RFWD3: variants seen among roughly 807,000 people sequenced by gnomAD.
The protein encoded by RFWD3 is ring finger and WD repeat domain 3, also known as E3 ubiquitin-protein ligase RFWD3.
Under a neutral mutation model 87.7 loss-of-function variants are expected in RFWD3, and 65 were observed. That is an observed-to-expected ratio of 0.74 (90% CI 0.61 to 0.91). The LOEUF (loss-of-function observed/expected upper bound fraction) is 0.91, where lower values mean the gene tolerates loss of function less well. Ranked by LOEUF, RFWD3 falls within the 40% of genes least tolerant of loss-of-function variation. The probability of loss-of-function intolerance (pLI) is 0.00; values close to 1 mark genes in which losing one functional copy is unlikely to be tolerated. For missense variants in RFWD3, 1,078 were observed against 938.5 expected (o/e 1.15, Z -1.94); for synonymous variants, 433 against 352.8 (o/e 1.23, Z -2.55).
At chr16:74,637,780 G>A in intron 7 of RFWD3, 76 bp downstream of exon 7, 1 of 1,051,880 alleles carries the variant, frequency 9.5e-7, no homozygotes, top group Admixed American at 2.0e-5. Flanking sequence ...TTGTTTCTGA[G>A]ATGAACATAA....
At chr16:74,660,769 T>C (rs969803258) in intron 2 of RFWD3, 163 bp downstream of exon 2, 8 of 702,880 alleles carry the variant, frequency 1.1e-5, no homozygotes, top group African/African-American at 8.9e-5. Flanking sequence ...CTTCATTACT[T>C]TGTGAAGTAA....
intron 4 of RFWD3, among the ~76,000 whole-genome samples, chr16:74,646,337 C>G (rs1054865995): frequency 2.0e-5 from 3 of 152,146 alleles, no homozygotes; most frequent in African/African-American, 7.2e-5. Flanking sequence ...GATTGTGCCA[C>G]TGCACTCCAG....
intron 8 of RFWD3, among the ~76,000 whole-genome samples, chr16:74,633,891 A>G (rs2144093773): frequency 6.6e-6 from 1 of 152,068 alleles, no homozygotes; most frequent in Non-Finnish European, 1.5e-5. Context: ...CGGAGGTTGT[A>G]ATGAGCTGAG....
chr16:74,645,198 T>C (rs1227985121), intron 4 of RFWD3, among the ~76,000 whole-genome samples: 1 of 152,132 alleles, frequency 6.6e-6, no homozygotes, highest in Non-Finnish European at 1.5e-5. Flanking sequence ...CCAAGCACTG[T>C]TGTGGGTAAA....
chr16:74,628,478 C>T lies in RFWD3; in HGVS notation c.1943G>A (p.Arg648Gln), dbSNP rs1184333222. Residue 648 changes from arginine (R) to glutamine (Q), a missense_variant, in exon 11 of 13, where the codon CGG (arginine) becomes CAG (glutamine). Physicochemically the swap from Arg to Gln is conservative, Grantham distance 43. Coordinates refer to ENST00000361070, the MANE Select transcript of RFWD3 (RefSeq NM_018124.4). Reference sequence around the variant, plus strand: ...AGGCCTGTAGGTCACAAGACAGTGCCGGGAGCTGTTCTCTGTCTGAAAGTC... The same window carrying T: ...AGGCCTGTAGGTCACAAGACAGTGCTGGGAGCTGTTCTCTGTCTGAAAGTC... ...CIDFQTENSS[R>Q]HCLVTYRPDK... The T allele has an allele frequency of 4.3e-6, 7 of 1,614,102 alleles. No homozygotes were observed. The highest frequency in any genetic ancestry group is 4.5e-5 in the East Asian group (2 of 44,886).
chr16:74,637,554 A>C (rs1429680882), intron 7 of RFWD3, among the ~76,000 whole-genome samples: 1 of 152,044 alleles, frequency 6.6e-6, no homozygotes, highest in African/African-American at 2.4e-5. Flanking sequence ...AACCGCTTGA[A>C]CCCAGGAGAC....
chr16:74,652,179 A>G, intron 2 of RFWD3, 57 bp from the exon 3 acceptor site: 2 of 1,481,800 alleles, frequency 1.3e-6, no homozygotes, highest in Admixed American at 3.5e-5. Context: ...TCACAAAAAC[A>G]ATCTATAGTG....
chr16:74,631,132 C>T (rs1959080155), intron 9 of RFWD3, among the ~76,000 whole-genome samples, 175 bp from the exon 10 acceptor site: 1 of 152,140 alleles, frequency 6.6e-6, no homozygotes, highest in Non-Finnish European at 1.5e-5. Flanking sequence ...CTTTAAATTC[C>T]ATAACATTTG....
Position 74,636,496 on chromosome 16 carries a change from G to A in RFWD3, c.1276C>T (p.Pro426Ser). 8 of 1,614,080 alleles carry A rather than the reference G, an allele frequency of 5.0e-6. No homozygotes were observed. Among genetic ancestry groups the A allele is most frequent in the Non-Finnish European group, 6.8e-6 (8 of 1,180,036 alleles). ...TGCTTGTGCTGGCCCTGGCTGGAGG[G>A]TGAGCAGCTCAGGACCCATGCTTGG... Reference protein sequence around the residue: ...GSQAWVLSCSPSSQGQHKHKY... With the variant: ...GSQAWVLSCSSSSQGQHKHKY... The change falls in exon 8 of 13, where the codon CCC (proline) becomes TCC (serine). Residue 426 changes from proline to serine, a missense_variant. Physicochemically the swap from Pro to Ser is moderately conservative, Grantham distance 74. Transcript: ENST00000361070.
Position 74,632,524 on chromosome 16 carries a change from T to C in RFWD3, c.1576A>G (p.Ser526Gly), listed in dbSNP as rs765216000. Residue 526 changes from serine (S) to glycine (G), a missense_variant and splice_region_variant, in exon 9 of 13, where the codon AGC (serine) becomes GGC (glycine). Ser to Gly is a moderately conservative substitution (Grantham distance 56). Coordinates refer to ENST00000361070, the MANE Select transcript of RFWD3 (RefSeq NM_018124.4). ...ASLDNTIKLT[S>G]LETNTVVQTY... ...CACCTACTTCCCCAAATCACTCACCTGGTCAGTTTAATAGTGTTGTCTAGG... is the reference window on the plus strand; with the variant it reads ...CACCTACTTCCCCAAATCACTCACCCGGTCAGTTTAATAGTGTTGTCTAGG... 2 of 1,613,796 alleles carry C rather than the reference T, an allele frequency of 1.2e-6. No individual in the cohort carries two copies. Among genetic ancestry groups the C allele is most frequent in the Non-Finnish European group, 1.7e-6 (2 of 1,179,780 alleles).
chr16:74,641,178 T>G (rs1203115383), intron 6 of RFWD3, among the ~76,000 whole-genome samples: 2 of 152,024 alleles, frequency 1.3e-5, no homozygotes, highest in African/African-American at 4.8e-5. Context: ...TTTTTTTTTT[T>G]GAAGACAGAG....
At chr16:74,639,021 T>C (rs1166768301) in intron 6 of RFWD3, among the ~76,000 whole-genome samples, 1 of 149,310 alleles carries the variant, frequency 6.7e-6, no homozygotes, top group Non-Finnish European at 1.5e-5. Context: ...GAAAAGGTAA[T>C]GCATTGAGCT....
At chr16:74,659,647 C>A (rs1488064793) in intron 2 of RFWD3, among the ~76,000 whole-genome samples, 1 of 151,636 alleles carries the variant, frequency 6.6e-6, no homozygotes, top group Non-Finnish European at 1.5e-5. Flanking sequence ...CTTGTCAACA[C>A]AGAACTAGGC....
chr16:74,628,798 T>C lies in RFWD3; in HGVS notation c.1755-132A>G, dbSNP rs1567566578. Reference sequence around the variant, plus strand: ...CGCCTTTAGTCACTATCCTCTGATATCTGATAAAAATTATCAACCCTCTCT... The same window carrying C: ...CGCCTTTAGTCACTATCCTCTGATACCTGATAAAAATTATCAACCCTCTCT... On this transcript the variant is annotated intron_variant, in intron 10 of 12. Coordinates refer to ENST00000361070, the MANE Select transcript of RFWD3 (RefSeq NM_018124.4). The C allele has an allele frequency of 7.2e-6, 5 of 695,166 alleles. No individual in the cohort carries two copies. The Admixed American group carries it at 1.1e-4, about 15-fold the overall frequency. 43.1% of individuals were successfully genotyped at this position (695,166 alleles called of 1,614,324 possible).
In RFWD3 at chr16:74,642,672, T is replaced by C. The variant is rs529698689; in HGVS notation, c.1079+1690A>G. Among the ~76,000 whole-genome samples, 12 of 152,226 alleles carry C rather than the reference T, an allele frequency of 7.9e-5. No individual in the cohort carries two copies. In the South Asian group the frequency reaches 2.1e-3, roughly 26 times the overall value. ...ACACACGGATAATTTTTTTCATTTT[T>C]ATTAGAAACAAGGTCTCACAATGTT... On this transcript the variant is annotated intron_variant, in intron 6 of 12. Transcript: ENST00000361070.
chr16:74,623,921 A>C lies in RFWD3; in HGVS notation c.*7T>G. 6.2e-7 allele frequency: 1 copy of C among 1,613,882 alleles called. No individual in the cohort carries two copies. Among genetic ancestry groups the C allele is most frequent in the Non-Finnish European group, 8.5e-7 (1 of 1,179,910 alleles). On this transcript the variant is annotated 3_prime_UTR_variant, in exon 13 of 13. Coordinates refer to ENST00000361070, the MANE Select transcript of RFWD3 (RefSeq NM_018124.4). ...AGCAGCATGCCTTCAAGGTTTCGAG[A>C]CCACAGTCACTCCCACTTATAGATG...
In RFWD3 at chr16:74,623,741, G is replaced by A. The variant is rs1199494143; in HGVS notation, c.*187C>T. 1 of 576,510 alleles carries A rather than the reference G, an allele frequency of 1.7e-6. No homozygotes were observed. Among genetic ancestry groups the A allele is most frequent in the Non-Finnish European group, 3.0e-6 (1 of 330,406 alleles). The allele number at this position is 576,510 out of a possible 1,614,324, so 35.7% of individuals were successfully genotyped here. On this transcript the variant is annotated 3_prime_UTR_variant, in exon 13 of 13. Coordinates refer to ENST00000361070, the MANE Select transcript of RFWD3 (RefSeq NM_018124.4). ...AGTACCCATCAATTACTCTTTTAGT[G>A]GACATAACAGATACACAATCTGTAG... is the stretch of plus-strand genomic sequence containing the variant.
intron 12 of RFWD3, among the ~76,000 whole-genome samples, chr16:74,624,993 C>G (rs1958884522): frequency 6.6e-6 from 1 of 151,522 alleles, no homozygotes; most frequent in South Asian, 2.1e-4. Context: ...CACTTAAAAA[C>G]AAACAAACAA....
Position 74,649,118 on chromosome 16 carries a change from G to C in RFWD3, c.792+14C>G, listed in dbSNP as rs1301754840. 2.0e-6 allele frequency: 3 copies of C among 1,533,784 alleles called. No homozygotes were observed. The highest frequency in any genetic ancestry group is 2.7e-6 in the Non-Finnish European group (3 of 1,128,352). ...ATAAATAAATAGATTTTTTTAAAAT[G>C]ATGTTCATATTACCTGTTTGGGGAG... On this transcript the variant is annotated intron_variant, in intron 4 of 12. Transcript: ENST00000361070.
Sources: allele counts gnomAD v4.1 joint callset (sites outside exome capture counted in the v4.1 genomes callset), GRCh38; gene constraint gnomAD v4.1.1; transcripts MANE v1.5; gene names NCBI Gene and HGNC (gene_info 2026-07-23, HGNC 2026-07-21).